Variants in ADAMTS2 observed in about 807,000 individuals in gnomAD.
The protein encoded by ADAMTS2 is A disintegrin and metalloproteinase with thrombospondin motifs 2.
A neutral mutation model predicts 123.0 loss-of-function variants in ADAMTS2; 50 were observed. The ratio of observed to expected loss-of-function variants is 0.41; its 90% CI spans 0.32 to 0.51. ADAMTS2 has a LOEUF of 0.51. ADAMTS2 is among the 20% of genes least tolerant of loss of function. ADAMTS2 has a pLI of 0.35. For missense variants in ADAMTS2, 1,494 were observed against 1,705.2 expected, an observed-to-expected ratio of 0.88 and a Z score of 2.18; for synonymous variants, 678 against 695.4, an observed-to-expected ratio of 0.98 and a Z score of 0.39.
rs1390988819 is a variant in ADAMTS2, at chr5:179,128,914, C to A, written c.2458-796G>T. 6.6e-6 allele frequency among the ~76,000 whole-genome samples: 1 copy of A among 152,094 alleles called. No homozygotes were observed. Among genetic ancestry groups the A allele is most frequent in the Non-Finnish European group, 1.5e-5 (1 of 68,030 alleles). ...AACAGCGAAATCGCCCCCAAAATAGCACAAAATGTGATGTATGTGACACTC... is the reference window on the plus strand; with the variant it reads ...AACAGCGAAATCGCCCCCAAAATAGAACAAAATGTGATGTATGTGACACTC... On this transcript the variant is annotated intron_variant, in intron 16 of 21. Transcript: ENST00000251582. This position sits in a 1 kb window ranked among gnomAD's most constrained non-coding sequence, Gnocchi z 4.9.
rs1315935412 is a variant in ADAMTS2, at chr5:179,112,734, AC to A, written c.*1132del. ...CCGTAGGGAGATTCCAGGCCCTTGAACCGCTCACTGGACCTTCCCAGCAGAG... is the reference window on the plus strand; with the variant it reads ...CCGTAGGGAGATTCCAGGCCCTTGAACGCTCACTGGACCTTCCCAGCAGAG... On this transcript the variant is annotated 3_prime_UTR_variant, in exon 22 of 22. Transcript: ENST00000251582. 3 of 152,146 alleles carry A rather than the reference AC, an allele frequency of 2.0e-5. No homozygotes were observed. Among genetic ancestry groups the A allele is most frequent in the African/African-American group, 7.3e-5 (3 of 41,376 alleles). 9.4% of individuals were successfully genotyped at this position (152,146 alleles called of 1,614,324 possible).
chr5:179,244,813 T>C (rs1404941944), intron 3 of ADAMTS2, among the ~76,000 whole-genome samples: 5 of 152,138 alleles, frequency 3.3e-5, no homozygotes, highest in African/African-American at 1.2e-4. Flanking sequence ...CCGCAACAAA[T>C]GAAGAGAGCC....
chr5:179,136,018 C>T lies in ADAMTS2; in HGVS notation c.1976G>A (p.Cys659Tyr), dbSNP rs751318052. The T allele has an allele frequency of 6.2e-7, 1 of 1,613,334 alleles. No individual in the cohort carries two copies. Among genetic ancestry groups the T allele is most frequent in the African/African-American group, 1.3e-5 (1 of 74,930 alleles). Residue 659 changes from cysteine to tyrosine, a missense_variant, in exon 13 of 22, where the codon TGC (cysteine) becomes TAC (tyrosine). Physicochemically the swap from Cys to Tyr is radical, Grantham distance 194. Coordinates refer to ENST00000251582, the MANE Select transcript of ADAMTS2 (RefSeq NM_014244.5). ...CACCTCCCCGGTCTCCCTGGACTCG[C>T]AGTACAGGTGGCATCTCTCCTTGGC... ...RDAKERCHLY[C>Y]ESRETGEVVS... is the part of the protein sequence containing the mutation.
At chr5:179,135,786 G>A in intron 13 of ADAMTS2, 123 bp downstream of exon 13, 2 of 1,457,148 alleles carry the variant, frequency 1.4e-6, no homozygotes, top group South Asian at 2.4e-5. Flanking sequence ...TCCGGGCATT[G>A]TTTCTGACAC....
At chr5:179,227,452 G>C (rs1765315623) in intron 3 of ADAMTS2, among the ~76,000 whole-genome samples, 1 of 152,170 alleles carries the variant, frequency 6.6e-6, no homozygotes, top group Non-Finnish European at 1.5e-5. Flanking sequence ...TGTGATCTGG[G>C]GTGGAACTGG....
chr5:179,147,450 A>G (rs1328921997), intron 10 of ADAMTS2, among the ~76,000 whole-genome samples: 7 of 152,238 alleles, frequency 4.6e-5, no homozygotes, highest in Non-Finnish European at 8.8e-5. Context: ...AGAAATATCC[A>G]TGTTGGATCT....
At chr5:179,123,698 G>A (rs1762802404) in intron 19 of ADAMTS2, among the ~76,000 whole-genome samples, 1 of 152,262 alleles carries the variant, frequency 6.6e-6, no homozygotes, top group Non-Finnish European at 1.5e-5. Flanking sequence ...CAAAGTGCTG[G>A]GATCACTGGC....
chr5:179,145,095 A>T (rs1763229773), intron 10 of ADAMTS2, among the ~76,000 whole-genome samples: 1 of 152,260 alleles, frequency 6.6e-6, no homozygotes, highest in Non-Finnish European at 1.5e-5. Context: ...CTAAATAGAC[A>T]TTTATACAAA....
At chr5:179,264,933 C>CGCGCTGACCCCTGCACCA (rs1379348968) in intron 3 of ADAMTS2, among the ~76,000 whole-genome samples, 1 of 110,444 alleles carries the variant, frequency 9.1e-6, no homozygotes, top group Non-Finnish European at 1.9e-5. Context: ...CGGAGCTGAG[C>CGCGCTGACCCCTGCACCA]GCGCTGACCC....
rs1258329560 is a variant in ADAMTS2, at chr5:179,112,184, G to A, written c.*1683C>T. ...AAGGTAGCCACTATGCTGTTATCCT[G>A]AGCCTCATCCATATAATGGGGAAAT... On this transcript the variant is annotated 3_prime_UTR_variant, in exon 22 of 22. Coordinates refer to ENST00000251582, the MANE Select transcript of ADAMTS2 (RefSeq NM_014244.5). 2 of 152,218 alleles carry A rather than the reference G, an allele frequency of 1.3e-5. No individual in the cohort carries two copies. Among genetic ancestry groups the A allele is most frequent in the African/African-American group, 2.4e-5 (1 of 41,450 alleles). The allele number at this position is 152,218 out of a possible 1,614,324, so 9.4% of individuals were successfully genotyped here.
chr5:179,288,651 G>T (rs980376516), intron 2 of ADAMTS2, among the ~76,000 whole-genome samples: 1 of 152,246 alleles, frequency 6.6e-6, no homozygotes, highest in Non-Finnish European at 1.5e-5. Context: ...CCCTCTGTGG[G>T]TGGTTGGCCC....
rs1766270746 is a variant in ADAMTS2, at chr5:179,262,910, A to G, written c.688+10001T>C. 6.6e-6 allele frequency among the ~76,000 whole-genome samples: 1 copy of G among 152,242 alleles called. No homozygotes were observed. The highest frequency in any genetic ancestry group is 2.4e-5 in the African/African-American group (1 of 41,454). On this transcript the variant is annotated intron_variant, in intron 3 of 21. Coordinates refer to ENST00000251582, the MANE Select transcript of ADAMTS2 (RefSeq NM_014244.5). This position sits in a 1 kb window ranked among gnomAD's most constrained non-coding sequence, Gnocchi z 5.9. ...GAACGTGACGAGTGAATGCAGGAAA[A>G]TACACTTGTGGCAGCAGGCAAGGTG...
Position 179,114,107 on chromosome 5 carries a change from C to CATGAGAGGG in ADAMTS2, c.3395_3396insCCCTCTCAT (p.Val1132_Arg1133insProLeuMet). 1.2e-6 allele frequency: 2 copies of CATGAGAGGG among 1,614,068 alleles called. No individual in the cohort carries two copies. Among genetic ancestry groups the CATGAGAGGG allele is most frequent in the Non-Finnish European group, 1.7e-6 (2 of 1,180,002 alleles). On this transcript the variant is annotated inframe_insertion, in exon 22 of 22. Transcript: ENST00000251582. The stretch of plus-strand genomic sequence containing the variant: ...CCAGGGGGGTGCTTGGTGATGGCCG[C>CATGAGAGGG]ACCTCCATGGCTACAGTGGGCACTG...
At chr5:179,309,690 G>T (rs180687409) in intron 2 of ADAMTS2, among the ~76,000 whole-genome samples, 4 of 150,686 alleles carry the variant, frequency 2.7e-5, no homozygotes, top group Admixed American at 2.6e-4. Context: ...CCTGGGAGGC[G>T]GAGTTGCAGT....
At chr5:179,261,834 G>A (rs918850795) in intron 3 of ADAMTS2, among the ~76,000 whole-genome samples, 5 of 152,152 alleles carry the variant, frequency 3.3e-5, no homozygotes, top group African/African-American at 1.2e-4. Context: ...GCAGGCAAGG[G>A]GAAGCTGGAC....
In ADAMTS2 at chr5:179,112,376, G is replaced by C. The variant is rs1762583458; in HGVS notation, c.*1491C>G. The C allele has an allele frequency of 6.6e-6, 1 of 152,148 alleles. No homozygotes were observed. The highest frequency in any genetic ancestry group is 1.5e-5 in the Non-Finnish European group (1 of 68,036). The allele number at this position is 152,148 out of a possible 1,614,324, so 9.4% of individuals were successfully genotyped here. On this transcript the variant is annotated 3_prime_UTR_variant, in exon 22 of 22. Coordinates refer to ENST00000251582, the MANE Select transcript of ADAMTS2 (RefSeq NM_014244.5). ...AGTTTAAGCTTCACGTTCACAAAAT[G>C]TCAAGGCAGTGAGAGGTAAAAATGA...
chr5:179,298,395 G>A (rs1756405171), intron 2 of ADAMTS2, among the ~76,000 whole-genome samples: 1 of 152,118 alleles, frequency 6.6e-6, no homozygotes, highest in South Asian at 2.1e-4. Flanking sequence ...GAGGCCCAGG[G>A]AGCTTGTGCA....
rs755673586 is a variant in ADAMTS2, at chr5:179,153,509, GCC to G, written c.1495_1496del (p.Gly499LeufsTer11). 1 of 1,609,924 alleles carries G rather than the reference GCC, an allele frequency of 6.2e-7. No individual in the cohort carries two copies. The highest frequency in any genetic ancestry group is 8.5e-7 in the Non-Finnish European group (1 of 1,179,856). ...CACTCACCGCCGTGCACATCATGTAGCCCAGGCCGAAGTCAAAGCGGCATTGC... is the reference window on the plus strand; with the variant it reads ...CACTCACCGCCGTGCACATCATGTAGCAGGCCGAAGTCAAAGCGGCATTGC... Reference protein sequence around the residue: ...NEQCRFDFGLGYMMCTAFRTF... With the variant: ...NEQCRFDFGLXYMMCTAFRTF... On this transcript the variant is annotated frameshift_variant, in exon 9 of 22. Transcript: ENST00000251582. LOFTEE classifies it high-confidence loss of function.
At chr5:179,144,982 C>A (rs1417606327) in intron 10 of ADAMTS2, among the ~76,000 whole-genome samples, 1 of 152,168 alleles carries the variant, frequency 6.6e-6, no homozygotes, top group East Asian at 1.9e-4. Flanking sequence ...AGACCACTTA[C>A]ACTGGTGAGT....
Sources: gnomAD v4.1 joint callset for allele counts (sites outside exome capture counted in the v4.1 genomes callset) on GRCh38, gnomAD v4.1.1 for gene constraint, Gnocchi (gnomAD v3.1) non-coding constraint, MANE v1.5 for transcripts, NCBI Gene and HGNC (gene_info 2026-07-23, HGNC 2026-07-21) for gene names.